Variants in RNF13 observed in about 807,000 individuals in gnomAD.
The protein encoded by RNF13 is ring finger protein 13.
Under a neutral mutation model 37.7 loss-of-function variants are expected in RNF13, and 19 were observed. The observed-to-expected ratio is 0.50, with a 90% CI of 0.35 to 0.74. The LOEUF (loss-of-function observed/expected upper bound fraction) is 0.74, where lower values mean the gene tolerates loss of function less well. Among genes scored for constraint, RNF13 ranks in the 30% least tolerant of loss-of-function variants. The pLI is 0.01. For missense variants in RNF13, 375 were observed against 453.0 expected (o/e 0.83, Z 1.56); for synonymous variants, 144 against 157.8 (o/e 0.91, Z 0.65).
At chr3:149,934,873 C>T (rs1445881298) in intron 8 of RNF13, among the ~76,000 whole-genome samples, 1 of 152,204 alleles carries the variant, frequency 6.6e-6, no homozygotes, top group Non-Finnish European at 1.5e-5. Context: ...CTGCCTCAGC[C>T]TCCCAGATTG....
intron 8 of RNF13, among the ~76,000 whole-genome samples, chr3:149,928,385 G>C (rs1018603947): frequency 6.6e-6 from 1 of 151,966 alleles, no homozygotes; most frequent in South Asian, 2.1e-4. Context: ...TTATTTTTTT[G>C]TATGTGGAAA....
chr3:149,936,753 G>A (rs1189886102), intron 8 of RNF13, among the ~76,000 whole-genome samples: 7 of 152,076 alleles, frequency 4.6e-5, no homozygotes, highest in Admixed American at 1.3e-4. Context: ...TGGGAAGGTC[G>A]TGGTTCCCTG....
chr3:149,841,958 A>G (rs867389395), intron 1 of RNF13, among the ~76,000 whole-genome samples: 9 of 152,242 alleles, frequency 5.9e-5, no homozygotes, highest in Admixed American at 1.3e-4. Flanking sequence ...TGAAAATTTT[A>G]GACCCTCTTG....
chr3:149,841,460 T>G (rs936960853), intron 1 of RNF13, among the ~76,000 whole-genome samples: 1 of 152,150 alleles, frequency 6.6e-6, no homozygotes, highest in African/African-American at 2.4e-5. Flanking sequence ...CAAATTCTCT[T>G]TTGAAGATAG....
intron 2 of RNF13, among the ~76,000 whole-genome samples, chr3:149,850,695 G>C (rs73155075): frequency 0.077 from 11,759 of 152,094 alleles, 496 homozygotes; most frequent in Middle Eastern, 0.099. Context: ...TTTGTATTTT[G>C]TCCTCATTCT....
intron 8 of RNF13, among the ~76,000 whole-genome samples, chr3:149,945,198 T>C (rs1421284210): frequency 6.6e-6 from 1 of 152,230 alleles, no homozygotes; most frequent in Non-Finnish European, 1.5e-5. Context: ...TACCATGCTG[T>C]TTTGGTTACT....
intron 8 of RNF13, among the ~76,000 whole-genome samples, chr3:149,954,056 C>T (rs1721613455): frequency 6.6e-6 from 1 of 152,074 alleles, no homozygotes; most frequent in Non-Finnish European, 1.5e-5. Flanking sequence ...ATTTCAATAA[C>T]AGTAAGTTTG....
chr3:149,844,942 C>T (rs1343455067), intron 1 of RNF13, among the ~76,000 whole-genome samples: 3 of 152,108 alleles, frequency 2.0e-5, no homozygotes, highest in Non-Finnish European at 4.4e-5. Flanking sequence ...TCATTCCCAC[C>T]TTTCCCCTCC....
chr3:149,816,185 A>G (rs1016965959), intron 1 of RNF13, among the ~76,000 whole-genome samples: 2 of 151,786 alleles, frequency 1.3e-5, no homozygotes, highest in Admixed American at 6.6e-5. Flanking sequence ...CAGGTGTGAT[A>G]CATCATGCCT....
At chr3:149,845,066 A>G (rs1381129610) in intron 1 of RNF13, among the ~76,000 whole-genome samples, 1 of 152,200 alleles carries the variant, frequency 6.6e-6, no homozygotes. Context: ...CATCTCTGAT[A>G]TTAGTGGCTT....
rs1348151932 is a variant in RNF13, at chr3:149,939,846, C to T, written c.700+18619C>T. 5.0e-5 allele frequency: 25 copies of T among 497,092 alleles called. 1 individual carries two copies. The highest frequency in any genetic ancestry group is 6.5e-5 in the South Asian group (4 of 61,102). 30.8% of individuals were successfully genotyped at this position (497,092 alleles called of 1,614,324 possible). A position where few individuals can be genotyped will look rare whatever the true frequency, so the allele number is the denominator to read the frequency against. ...GGGAGAGAAGGTGGACAGAGATAAA[C>T]GACTGCTGCTCCAGAGAACAGCCGC... On this transcript the variant is annotated intron_variant, in intron 8 of 9. Coordinates refer to ENST00000392894, the MANE Select transcript of RNF13 (RefSeq NM_183381.3).
At chr3:149,881,950 AG>A (rs1233557421) in intron 4 of RNF13, among the ~76,000 whole-genome samples, 4 of 152,182 alleles carry the variant, frequency 2.6e-5, no homozygotes, top group Admixed American at 6.5e-5. Flanking sequence ...AGTTTTTCTC[AG>A]AATTCTTATG....
intron 3 of RNF13, among the ~76,000 whole-genome samples, chr3:149,863,270 G>C (rs900549109): frequency 2.0e-5 from 3 of 152,208 alleles, no homozygotes; most frequent in African/African-American, 7.2e-5. Flanking sequence ...GGCAAGTGCT[G>C]TGGTAAGTAA....
At chr3:149,948,536 C>G (rs1721001520) in intron 8 of RNF13, among the ~76,000 whole-genome samples, 1 of 152,020 alleles carries the variant, frequency 6.6e-6, no homozygotes, top group African/African-American at 2.4e-5. Context: ...CCTTGCAATT[C>G]CATAAAACAT....
intron 8 of RNF13, among the ~76,000 whole-genome samples, chr3:149,941,327 A>G (rs1253376904): frequency 6.6e-6 from 1 of 152,118 alleles, no homozygotes; most frequent in Non-Finnish European, 1.5e-5. Flanking sequence ...TCACCAGTGC[A>G]CAAGGGCTCT....
chr3:149,927,183 A>G (rs1718737934), intron 8 of RNF13, among the ~76,000 whole-genome samples: 1 of 152,074 alleles, frequency 6.6e-6, no homozygotes, highest in Non-Finnish European at 1.5e-5. Flanking sequence ...CCACCATTCT[A>G]CTTACTGTCT....
At chr3:149,835,864 ACT>A (rs1721572523) in intron 1 of RNF13, among the ~76,000 whole-genome samples, 1 of 116,958 alleles carries the variant, frequency 8.6e-6, no homozygotes, top group African/African-American at 3.9e-5. Context: ...GATCCCCAGT[ACT>A]GGGATTGCTG....
At chr3:149,905,878 T>G (rs1442806252) in intron 6 of RNF13, among the ~76,000 whole-genome samples, 1 of 152,164 alleles carries the variant, frequency 6.6e-6, no homozygotes, top group Non-Finnish European at 1.5e-5. Context: ...TAAAATTCAG[T>G]GATTTGAGTA....
Position 149,854,032 on chromosome 3 carries a change from C to T in RNF13, c.195+1436C>T, listed in dbSNP as rs551739829. Among the ~76,000 whole-genome samples, 23 of 151,704 alleles carry T rather than the reference C, an allele frequency of 1.5e-4. No homozygotes were observed. The South Asian group carries it at 3.6e-3, about 23-fold the overall frequency. On this transcript the variant is annotated intron_variant, in intron 3 of 9. Coordinates refer to ENST00000392894, the MANE Select transcript of RNF13 (RefSeq NM_183381.3). ...GTATTTTTATGTAGAGATGGGGTTT[C>T]GCCATGTTGCCCAGGCTGGTCTTGA...
Sources: gnomAD v4.1 joint callset for allele counts (sites outside exome capture counted in the v4.1 genomes callset) on GRCh38, gnomAD v4.1.1 for gene constraint, MANE v1.5 for transcripts, NCBI Gene and HGNC (gene_info 2026-07-23, HGNC 2026-07-21) for gene names.